Variants in HYDIN observed in about 807,000 individuals in gnomAD.
HYDIN encodes axonemal central pair apparatus protein HYDIN.
A neutral mutation model predicts 403.9 loss-of-function variants in HYDIN; 132 were observed. That is an observed-to-expected ratio of 0.33 (90% CI 0.28 to 0.38). The LOEUF (loss-of-function observed/expected upper bound fraction) is 0.38. HYDIN is among the 10% of genes least tolerant of loss of function. The probability of loss-of-function intolerance (pLI) is 1.00; values close to 1 mark genes in which losing one functional copy is unlikely to be tolerated. For synonymous variants in HYDIN, 1,202 were observed against 1,891.7 expected (o/e 0.64, Z 9.46); for missense variants, 2,827 against 5,009.5 (o/e 0.56, Z 13.15).
Position 70,807,253 on chromosome 16 carries a change from C to T in HYDIN, c.*327G>A, listed in dbSNP as rs1235731297. On this transcript the variant is annotated 3_prime_UTR_variant, in exon 86 of 86. Coordinates refer to ENST00000393567, the MANE Select transcript of HYDIN (RefSeq NM_001270974.2). The stretch of plus-strand genomic sequence containing the variant: ...TGCTAAGTGTTGTAGAGTAGAAGGT[C>T]ACTAGTGTGATACCTGTGCCTTCTT... 3.6e-6 allele frequency: 1 copy of T among 275,084 alleles called. No individual in the cohort carries two copies. The highest frequency in any genetic ancestry group is 2.2e-5 in the African/African-American group (1 of 45,604). 17.0% of individuals were successfully genotyped at this position (275,084 alleles called of 1,614,324 possible).
intron 35 of HYDIN, among the ~76,000 whole-genome samples, chr16:70,971,189 CT>C (rs2078722360): frequency 6.6e-6 from 1 of 152,214 alleles, no homozygotes; most frequent in South Asian, 2.1e-4. Context: ...ATGATACCAT[CT>C]GGAATTAGTT....
chr16:70,937,140 G>A (rs1421948261), intron 44 of HYDIN, among the ~76,000 whole-genome samples: 9 of 144,892 alleles, frequency 6.2e-5, no homozygotes, highest in Non-Finnish European at 1.5e-5. Context: ...GTGTGTGCAT[G>A]TGTGTGTGTG....
intron 1 of HYDIN, among the ~76,000 whole-genome samples, chr16:71,212,643 T>C (rs1335406761): frequency 6.6e-6 from 1 of 152,088 alleles, no homozygotes; most frequent in Non-Finnish European, 1.5e-5. Context: ...AGAAGGATTA[T>C]GCAGGACAGT....
intron 19 of HYDIN, among the ~76,000 whole-genome samples, chr16:71,030,138 C>T (rs1179394271): frequency 6.6e-6 from 1 of 152,170 alleles, no homozygotes; most frequent in Non-Finnish European, 1.5e-5. Flanking sequence ...GTAGCCTCAA[C>T]CTCCCGGGTA....
rs78814954 is a variant in HYDIN, at chr16:71,158,680, T to G, written c.716+3851A>C. On this transcript the variant is annotated intron_variant, in intron 6 of 85. Transcript: ENST00000393567. ...CCATTTTTTCAATTGAAAAAGATGG[T>G]TTTTTTTTTTTTTTTTTTTGAGACA... Among the ~76,000 whole-genome samples the G allele has an allele frequency of 1.2e-4, 15 of 129,198 alleles. 1 individual carries two copies. In the East Asian group the frequency reaches 2.1e-3, roughly 18 times the overall value. The allele number at this position is 129,198 out of a possible 152,430, so 84.8% of individuals were successfully genotyped here.
intron 39 of HYDIN, among the ~76,000 whole-genome samples, chr16:70,957,603 G>A (rs556292549): frequency 2.2e-3 from 338 of 151,562 alleles, no homozygotes; most frequent in South Asian, 6.9e-3. Context: ...GGGATTACAG[G>A]CGTGAGCCAC....
At chr16:70,949,821 T>A (rs1373423888) in intron 41 of HYDIN, among the ~76,000 whole-genome samples, 1 of 152,284 alleles carries the variant, frequency 6.6e-6, no homozygotes, top group Non-Finnish European at 1.5e-5. Flanking sequence ...CTGAAAGGAG[T>A]TTGGAGTCAG....
chr16:70,998,027 T>G (rs1413483043), intron 23 of HYDIN, among the ~76,000 whole-genome samples: 2 of 152,308 alleles, frequency 1.3e-5, no homozygotes, highest in Admixed American at 1.3e-4. Context: ...CTTTGGCCAA[T>G]GAGGCATTCA....
At chr16:71,156,506 T>C (rs2085774074) in intron 6 of HYDIN, among the ~76,000 whole-genome samples, 1 of 152,184 alleles carries the variant, frequency 6.6e-6, no homozygotes, top group African/African-American at 2.4e-5. Flanking sequence ...ATAAGGATGG[T>C]TCAGTCTATC....
intron 8 of HYDIN, chr16:71,133,159 C>T: frequency 6.9e-6 from 3 of 433,468 alleles, no homozygotes; most frequent in Non-Finnish European, 1.4e-5. Context: ...AATCTGCTCC[C>T]TTCAGCACCC....
At chr16:70,934,045 G>A (rs1467647977) in intron 45 of HYDIN, among the ~76,000 whole-genome samples, 3 of 152,164 alleles carry the variant, frequency 2.0e-5, no homozygotes, top group African/African-American at 7.2e-5. Context: ...GCCAGAAAGG[G>A]CGGACCAGGA....
chr16:71,185,046 G>A, intron 2 of HYDIN, 56 bp from the exon 3 acceptor site: 1 of 1,282,570 alleles, frequency 7.8e-7, no homozygotes, highest in Admixed American at 2.0e-5. Flanking sequence ...CTGAAAAAGT[G>A]TTTTCATAAG....
At chr16:71,075,181 G>C (rs1251475229) in intron 13 of HYDIN, among the ~76,000 whole-genome samples, 1 of 151,888 alleles carries the variant, frequency 6.6e-6, no homozygotes, top group African/African-American at 2.4e-5. Context: ...GGGGGTCATG[G>C]TTCTGCAGTG....
At chr16:70,954,748 A>G (rs920951090) in intron 40 of HYDIN, among the ~76,000 whole-genome samples, 3 of 152,086 alleles carry the variant, frequency 2.0e-5, no homozygotes, top group African/African-American at 7.2e-5. Flanking sequence ...CTACCTTCCT[A>G]TTGTGATTTT....
At chr16:71,107,915 C>G (rs2083675867) in intron 10 of HYDIN, among the ~76,000 whole-genome samples, 1 of 152,120 alleles carries the variant, frequency 6.6e-6, no homozygotes, top group African/African-American at 2.4e-5. Flanking sequence ...ACGGAATCAA[C>G]TTAAAAGCCC....
intron 75 of HYDIN, among the ~76,000 whole-genome samples, chr16:70,841,315 C>T (rs1231502310): frequency 6.6e-6 from 1 of 152,006 alleles, no homozygotes; most frequent in Non-Finnish European, 1.5e-5. Flanking sequence ...GTAGAAAGAT[C>T]TTGTAACATG....
intron 23 of HYDIN, among the ~76,000 whole-genome samples, chr16:71,005,196 A>G (rs1026780078): frequency 2.0e-5 from 3 of 152,172 alleles, no homozygotes; most frequent in African/African-American, 7.2e-5. Flanking sequence ...TAAGTCTATT[A>G]AATGCATTCA....
intron 5 of HYDIN, among the ~76,000 whole-genome samples, chr16:71,170,395 GCA>G (rs1307763529): frequency 1.3e-5 from 2 of 152,066 alleles, no homozygotes; most frequent in Non-Finnish European, 2.9e-5. Context: ...TTGATATAAT[GCA>G]CTAGGAAGTA....
At chr16:71,217,749 T>C (rs1246746148) in intron 1 of HYDIN, among the ~76,000 whole-genome samples, 4 of 152,192 alleles carry the variant, frequency 2.6e-5, no homozygotes, top group African/African-American at 9.6e-5. Flanking sequence ...GGACTATTTA[T>C]GCTCATGGCA....
Sources: allele counts gnomAD v4.1 joint callset (sites outside exome capture counted in the v4.1 genomes callset), GRCh38; gene constraint gnomAD v4.1.1; transcripts MANE v1.5; gene names NCBI Gene and HGNC (gene_info 2026-07-23, HGNC 2026-07-21).